The following CDH18 variants were observed in gnomAD, a reference collection of about 807,000 sequenced individuals.
CDH18 encodes cadherin-18.
Under a neutral mutation model 67.9 loss-of-function variants are expected in CDH18, and 31 were observed. The ratio of observed to expected loss-of-function variants is 0.46; its 90% CI spans 0.34 to 0.62. The LOEUF (loss-of-function observed/expected upper bound fraction) is 0.62. Among genes scored for constraint, CDH18 ranks in the 20% least tolerant of loss-of-function variants. CDH18 has a pLI of 0.01. For synonymous variants in CDH18, 362 were observed against 347.2 expected (o/e 1.04, Z -0.48); for missense variants, 890 against 975.5 (o/e 0.91, Z 1.17).
rs70954628 is a variant in CDH18 at position 19,980,212 on chromosome 5, A to AAAAACAAAAC, written c.-257+838_-257+847dup. On this transcript the variant is annotated intron_variant, in intron 2 of 12. Transcript: ENST00000382275. ...GAACTCAACCCCTTTTACAACAGCA[A>AAAAACAAAAC]AAAACAAAACAAAACTTAGGAATAT... 4.0e-5 allele frequency among the ~76,000 whole-genome samples: 6 copies of AAAAACAAAAC among 151,284 alleles called. No homozygotes were observed. The South Asian group carries it at 1.0e-3, about 26-fold the overall frequency.
chr5:20,125,909 A>G (rs79877792), intron 2 of CDH18, among the ~76,000 whole-genome samples: 1,704 of 152,242 alleles, frequency 0.011, 37 homozygotes, highest in African/African-American at 0.039. Flanking sequence ...TACCAATTCA[A>G]TGCAAACCCA....
chr5:19,964,662 G>C (rs968768692), intron 2 of CDH18, among the ~76,000 whole-genome samples: 1 of 141,172 alleles, frequency 7.1e-6, no homozygotes, highest in Non-Finnish European at 1.5e-5. Flanking sequence ...AAAAAAAAAA[G>C]AAAAAAAAAG....
intron 1 of CDH18, among the ~76,000 whole-genome samples, chr5:20,558,449 T>C (rs1185432479): frequency 6.6e-6 from 1 of 151,884 alleles, no homozygotes; most frequent in African/African-American, 2.4e-5. Flanking sequence ...CTTAGGAAAG[T>C]GAGTGAAATA....
At chr5:19,514,620 G>A (rs148624842) in intron 10 of CDH18, among the ~76,000 whole-genome samples, 2,156 of 152,242 alleles carry the variant, frequency 0.014, 25 homozygotes, top group South Asian at 0.032. Flanking sequence ...TTTTTCATGC[G>A]TCTGTTGGCT....
At chr5:19,614,023 C>A (rs1749426145) in intron 5 of CDH18, among the ~76,000 whole-genome samples, 1 of 151,984 alleles carries the variant, frequency 6.6e-6, no homozygotes, top group East Asian at 1.9e-4. Flanking sequence ...AGTTACAGTA[C>A]AATTCTTAAG....
intron 2 of CDH18, among the ~76,000 whole-genome samples, chr5:20,177,590 T>C (rs1737337234): frequency 6.6e-6 from 1 of 152,074 alleles, no homozygotes; most frequent in Non-Finnish European, 1.5e-5. Flanking sequence ...TAGGTGTGTC[T>C]GTGAGGGTGT....
chr5:19,631,812 A>AAT lies in CDH18; in HGVS notation c.644-19212_644-19211insAT, dbSNP rs1210216493. Among the ~76,000 whole-genome samples, 521 of 152,258 alleles carry AAT rather than the reference A, an allele frequency of 3.4e-3. 1 individual carries two copies. The highest frequency in any genetic ancestry group is 0.012 in the African/African-American group (500 of 41,566). On this transcript the variant is annotated intron_variant, in intron 5 of 12. Coordinates refer to ENST00000382275, the MANE Select transcript of CDH18 (RefSeq NM_004934.5). ...ATATCTATTTCCTTTATTATTTGGA[A>AAT]GGATTTCTGTCTCTTTTACTTGGCA...
chr5:19,801,498 G>C (rs1274740753), intron 3 of CDH18, among the ~76,000 whole-genome samples: 1 of 152,120 alleles, frequency 6.6e-6, no homozygotes, highest in Non-Finnish European at 1.5e-5. Context: ...TGATATCCAA[G>C]TCCTATTTTC....
chr5:20,524,455 T>C (rs1288312701), intron 1 of CDH18, among the ~76,000 whole-genome samples: 1 of 152,188 alleles, frequency 6.6e-6, no homozygotes, highest in Non-Finnish European at 1.5e-5. Flanking sequence ...AGCACATTTT[T>C]TCTACATTTA....
chr5:20,409,734 A>T (rs575325018), intron 1 of CDH18, among the ~76,000 whole-genome samples: 1 of 151,646 alleles, frequency 6.6e-6, no homozygotes, highest in Non-Finnish European at 1.5e-5. Flanking sequence ...TTGAAAAAAA[A>T]GTTGACATAT....
Position 19,717,336 on chromosome 5 carries a change from T to C in CDH18, c.643+4011A>G, listed in dbSNP as rs145347115. On this transcript the variant is annotated intron_variant, in intron 5 of 12. Coordinates refer to ENST00000382275, the MANE Select transcript of CDH18 (RefSeq NM_004934.5). The stretch of plus-strand genomic sequence containing the variant: ...CAATCAGAGAATCATCAAATGGCCA[T>C]GAAAGTAATGAGCATTAAGAGATTT... 1.3e-3 allele frequency among the ~76,000 whole-genome samples: 193 copies of C among 152,156 alleles called. 1 individual carries two copies. Among genetic ancestry groups the C allele is most frequent in the African/African-American group, 4.5e-3 (187 of 41,538 alleles).
chr5:19,475,741 C>T (rs889383445), intron 12 of CDH18, among the ~76,000 whole-genome samples: 3 of 151,846 alleles, frequency 2.0e-5, no homozygotes, highest in African/African-American at 7.3e-5. Context: ...TCTTATTTAT[C>T]TGAAATTCAC....
chr5:19,938,145 G>A (rs1794472073), intron 2 of CDH18, among the ~76,000 whole-genome samples: 1 of 150,460 alleles, frequency 6.6e-6, no homozygotes, highest in Non-Finnish European at 1.5e-5. Context: ...TGTATACTGT[G>A]AAGCAGTGGA....
At chr5:20,302,823 T>C (rs1321087662) in intron 1 of CDH18, among the ~76,000 whole-genome samples, 1 of 152,170 alleles carries the variant, frequency 6.6e-6, no homozygotes, top group Non-Finnish European at 1.5e-5. Context: ...TCTCAAATGA[T>C]TCATGAGGAA....
intron 2 of CDH18, among the ~76,000 whole-genome samples, chr5:20,209,806 C>A (rs1740209003): frequency 6.6e-6 from 1 of 151,484 alleles, no homozygotes; most frequent in African/African-American, 2.4e-5. Context: ...CTGGGGAGCC[C>A]AATTACCGTG....
chr5:19,805,188 TC>T, intron 3 of CDH18, among the ~76,000 whole-genome samples: 1 of 152,242 alleles, frequency 6.6e-6, no homozygotes, highest in East Asian at 1.9e-4. Context: ...GCTCAAGAGA[TC>T]CACCTGCCTC....
At chr5:19,607,472 T>C (rs147420245) in intron 6 of CDH18, among the ~76,000 whole-genome samples, 1 of 151,290 alleles carries the variant, frequency 6.6e-6, no homozygotes, top group African/African-American at 2.4e-5. Flanking sequence ...TCTACAGTAT[T>C]TTTTAAATAG....
At chr5:20,305,665 A>G (rs2974598) in intron 1 of CDH18, 395,897 of 398,428 alleles carry the variant, frequency 0.99, 196,742 homozygotes, top group East Asian at 1. Context: ...GAGCGGCGGT[A>G]GGGGAGATCC....
chr5:20,198,415 C>T (rs6451727), intron 2 of CDH18, among the ~76,000 whole-genome samples: 105,855 of 152,060 alleles, frequency 0.7, 37,480 homozygotes, highest in African/African-American at 0.84. Context: ...ACTCTTACTA[C>T]ACTTTAGCAA....
Sources: gnomAD v4.1 joint callset for allele counts (sites outside exome capture counted in the v4.1 genomes callset) on GRCh38, gnomAD v4.1.1 for gene constraint, MANE v1.5 for transcripts, NCBI Gene and HGNC (gene_info 2026-07-23, HGNC 2026-07-21) for gene names.